PRRC2C: variants seen among roughly 807,000 people sequenced by gnomAD.
PRRC2C encodes protein PRRC2C.
In PRRC2C, 72 loss-of-function variants were observed where a neutral mutation model predicts 317.2. The ratio of observed to expected loss-of-function variants is 0.23; its 90% CI spans 0.19 to 0.28. The LOEUF (loss-of-function observed/expected upper bound fraction) is 0.28, where lower values mean the gene tolerates loss of function less well. Ranked by LOEUF, PRRC2C falls within the 10% of genes least tolerant of loss-of-function variation. The pLI is 1.00. For synonymous variants in PRRC2C, 1,296 were observed against 1,205.9 expected, an observed-to-expected ratio of 1.07 and a Z score of -1.55; for missense variants, 3,074 against 3,459.7, an observed-to-expected ratio of 0.89 and a Z score of 2.80.
chr1:171,566,255 G>C lies in PRRC2C; in HGVS notation c.6140G>C (p.Ser2047Thr). The change falls in exon 21 of 35, where the codon AGT (serine) becomes ACT (threonine). Residue 2047 changes from serine (S) to threonine (T), a missense_variant. Physicochemically the swap from Ser to Thr is moderately conservative, Grantham distance 58. This residue lies in a region of PRRC2C where 640 missense variants were observed against 676.1 expected (regional missense o/e 0.95). Coordinates refer to ENST00000647382, the MANE Select transcript of PRRC2C (RefSeq NM_001387844.1). ...TAGGGAGCGAAGAATGGTCAAGAAA[G>C]TGGACTCGAAATTGGAACTGACACA... ...SSEGAKNGQE[S>T]GLEIGTDTIQ... 6.2e-7 allele frequency: 1 copy of C among 1,611,040 alleles called. No individual in the cohort carries two copies. Among genetic ancestry groups the C allele is most frequent in the Non-Finnish European group, 8.5e-7 (1 of 1,178,658 alleles).
Position 171,517,757 on chromosome 1 carries a change from A to C in PRRC2C, c.693A>C (p.Lys231Asn). 1 of 1,613,830 alleles carries C rather than the reference A, an allele frequency of 6.2e-7. No individual in the cohort carries two copies. Among genetic ancestry groups the C allele is most frequent in the Non-Finnish European group, 8.5e-7 (1 of 1,179,878 alleles). The change falls in exon 6 of 35, where the codon AAA (lysine) becomes AAC (asparagine). Residue 231 changes from lysine to asparagine, a missense_variant. Physicochemically the swap from Lys to Asn is moderately conservative, Grantham distance 94. This residue lies in a region of PRRC2C where 237 missense variants were observed against 199.5 expected (regional missense o/e 1.19). Transcript: ENST00000647382. ...KRIACGPPQA[K>N]LNGQQAALAS... is the part of the protein sequence containing the mutation. ...TAGCTTGTGGTCCTCCACAGGCTAA[A>C]CTGAATGGACAGCAGGCTGCTCTCG...
chr1:171,530,535 C>T (rs745475606), intron 11 of PRRC2C, among the ~76,000 whole-genome samples: 11 of 151,910 alleles, frequency 7.2e-5, no homozygotes, highest in Admixed American at 1.3e-4. Flanking sequence ...TGTGAGCCAC[C>T]GTGTCTAGCC....
chr1:171,515,499 A>C (rs1467820481), intron 4 of PRRC2C, among the ~76,000 whole-genome samples: 1 of 152,212 alleles, frequency 6.6e-6, no homozygotes, highest in African/African-American at 2.4e-5. Context: ...ATCTTAAATG[A>C]GTCCTCTGGA....
At chr1:171,583,305 T>G (rs1649120288) in intron 28 of PRRC2C, among the ~76,000 whole-genome samples, 1 of 151,986 alleles carries the variant, frequency 6.6e-6, no homozygotes, top group Non-Finnish European at 1.5e-5. Flanking sequence ...GTTTTTTAAT[T>G]TTTTAATTTT....
chr1:171,561,657 T>C (rs1053802018), intron 20 of PRRC2C, among the ~76,000 whole-genome samples: 6 of 152,206 alleles, frequency 3.9e-5, no homozygotes, highest in Admixed American at 2.6e-4. Flanking sequence ...TAAACACTTA[T>C]TTTCAATTTA....
chr1:171,510,188 TAGGAAG>T (rs1393236737), intron 1 of PRRC2C: 1 of 152,038 alleles, frequency 6.6e-6, no homozygotes, highest in Non-Finnish European at 1.5e-5. Context: ...GCAGTAGGTG[TAGGAAG>T]GAAAGTTTGG....
rs764254214 is a variant in PRRC2C at position 171,527,773 on chromosome 1, C to A, written c.1201-18C>A. The A allele has an allele frequency of 1.1e-5, 17 of 1,549,334 alleles. No individual in the cohort carries two copies. Among genetic ancestry groups the A allele is most frequent in the Non-Finnish European group, 1.4e-5 (16 of 1,141,378 alleles). On this transcript the variant is annotated intron_variant, in intron 10 of 34. Coordinates refer to ENST00000647382, the MANE Select transcript of PRRC2C (RefSeq NM_001387844.1). ...TGTCTCCAAAATAATAAGAATAATT[C>A]TTTCTTCTTTATAATAGGAACGTGG...
At position 171,569,822 on chromosome 1, in the gene PRRC2C, C is replaced by CT. The variant is rs559234978; in HGVS notation, c.6651+1488dup. Among the ~76,000 whole-genome samples the CT allele has an allele frequency of 7.3e-5, 11 of 150,996 alleles. No individual in the cohort carries two copies. In the East Asian group the frequency reaches 1.9e-3, roughly 27 times the overall value. ...ATAGTGGTTTTTAAAGTATATGATGCTTTTTGCGAAACTACCCTCTGAAAA... is the reference window on the plus strand; with the variant it reads ...ATAGTGGTTTTTAAAGTATATGATGCTTTTTTGCGAAACTACCCTCTGAAAA... On this transcript the variant is annotated intron_variant, in intron 23 of 34. Transcript: ENST00000647382.
intron 1 of PRRC2C, among the ~76,000 whole-genome samples, chr1:171,508,981 G>T (rs1010902176): frequency 5.9e-5 from 9 of 152,080 alleles, no homozygotes; most frequent in Admixed American, 1.3e-4. Context: ...CCGCCTTCCA[G>T]GTTGAAGCCA....
At chr1:171,506,689 G>GTGTA (rs1670310358) in intron 1 of PRRC2C, among the ~76,000 whole-genome samples, 1 of 134,466 alleles carries the variant, frequency 7.4e-6, no homozygotes, top group African/African-American at 2.9e-5. Flanking sequence ...TTTTTTCTTT[G>GTGTA]TGTGTGTGTG....
intron 33 of PRRC2C, 32 bp from the exon 34 acceptor site, chr1:171,589,337 T>A: frequency 1.2e-6 from 1 of 833,648 alleles, no homozygotes; most frequent in Non-Finnish European, 1.7e-6. Flanking sequence ...TTTTAACAGT[T>A]CAATGTTGTA....
intron 11 of PRRC2C, among the ~76,000 whole-genome samples, chr1:171,530,133 A>G (rs1675498793): frequency 6.6e-6 from 1 of 152,208 alleles, no homozygotes; most frequent in Non-Finnish European, 1.5e-5. Flanking sequence ...CGAATTAGAA[A>G]GGAAAAGCAG....
At chr1:171,510,283 T>C (rs1308439352) in intron 1 of PRRC2C, 1 of 152,226 alleles carries the variant, frequency 6.6e-6, no homozygotes, top group East Asian at 1.9e-4. Context: ...GCTTTCTCTC[T>C]AATATACAGA....
intron 10 of PRRC2C, among the ~76,000 whole-genome samples, chr1:171,525,418 G>T (rs1272357080): frequency 6.6e-6 from 1 of 152,150 alleles, no homozygotes; most frequent in Non-Finnish European, 1.5e-5. Context: ...GGAAATGTGT[G>T]TGCAACAGAT....
At chr1:171,546,037 G>A (rs1409816411) in intron 17 of PRRC2C, among the ~76,000 whole-genome samples, 3 of 151,974 alleles carry the variant, frequency 2.0e-5, no homozygotes, top group Non-Finnish European at 4.4e-5. Context: ...TATTGGTATA[G>A]ATGTATTATT....
chr1:171,493,311 A>G (rs1044235434), intron 1 of PRRC2C, among the ~76,000 whole-genome samples: 1 of 152,160 alleles, frequency 6.6e-6, no homozygotes, highest in African/African-American at 2.4e-5. Context: ...CACTCTCATA[A>G]CATTCAACAT....
chr1:171,566,402 G>T lies in PRRC2C; in HGVS notation c.6287G>T (p.Gly2096Val). Residue 2096 changes from glycine to valine, a missense_variant, in exon 21 of 35, where the codon GGA becomes GTA. Transcript: ENST00000647382. ...CAGCGGCAGAAGCAGCCACGAGCAG[G>T]ACCTATCAAAGCCCAGAAGGTAAAT... ...KEQRQKQPRA[G>V]PIKAQKLPDL... The T allele has an allele frequency of 6.3e-7, 1 of 1,579,494 alleles. No homozygotes were observed. Among genetic ancestry groups the T allele is most frequent in the Non-Finnish European group, 8.6e-7 (1 of 1,162,398 alleles).
intron 18 of PRRC2C, among the ~76,000 whole-genome samples, chr1:171,553,205 G>T (rs1011632226): frequency 8.5e-5 from 13 of 152,204 alleles, no homozygotes; most frequent in African/African-American, 3.1e-4. Flanking sequence ...TGTGTGTGTC[G>T]AGGAATTTAT....
Position 171,550,165 on chromosome 1 carries a change from T to C in PRRC2C, c.5052T>C (p.Thr1684=). Residue 1684 remains threonine (T), a synonymous_variant, in exon 18 of 35, where the codon ACT becomes ACC. Transcript: ENST00000647382. The part of the protein sequence containing the change: ...PQSNLNDDGF[T]EVVSKKQQKR... ...CAAATTTGAATGATGATGGTTTTAC[T>C]GAAGTGGTATCCAAAAAACAACAAA... 6.2e-7 allele frequency: 1 copy of C among 1,607,952 alleles called. No individual in the cohort carries two copies. Among genetic ancestry groups the C allele is most frequent in the Non-Finnish European group, 8.5e-7 (1 of 1,176,746 alleles).
Sources: allele counts gnomAD v4.1 joint callset (sites outside exome capture counted in the v4.1 genomes callset), GRCh38; gene constraint gnomAD v4.1.1; regional missense constraint gnomAD v4.1.1; transcripts MANE v1.5; gene names NCBI Gene and HGNC (gene_info 2026-07-23, HGNC 2026-07-21).